Variants in ADGRL3 observed in about 807,000 individuals in gnomAD.
The protein encoded by ADGRL3 is adhesion G protein-coupled receptor L3.
Under a neutral mutation model 153.5 loss-of-function variants are expected in ADGRL3, and 62 were observed. The observed-to-expected ratio is 0.40, with a 90% CI of 0.33 to 0.50. The LOEUF is 0.50. Ranked by LOEUF, ADGRL3 falls within the 20% of genes least tolerant of loss-of-function variation. The pLI is 0.47. For synonymous variants in ADGRL3, 710 were observed against 672.5 expected (o/e 1.06, Z -0.86); for missense variants, 1,641 against 1,859.4 (o/e 0.88, Z 2.16).
intron 5 of ADGRL3, among the ~76,000 whole-genome samples, chr4:61,662,468 C>T (rs2094629201): frequency 6.6e-6 from 1 of 152,248 alleles, no homozygotes; most frequent in Admixed American, 6.5e-5. Context: ...CAGGGCAGCA[C>T]TGACATACCA....
chr4:61,346,389 CG>C (rs1454438890), intron 1 of ADGRL3, among the ~76,000 whole-genome samples: 1 of 151,032 alleles, frequency 6.6e-6, no homozygotes, highest in Non-Finnish European at 1.5e-5. Flanking sequence ...AAATTAAAGT[CG>C]TTTTAACATT....
chr4:61,973,623 C>T (rs1254643266), intron 17 of ADGRL3, among the ~76,000 whole-genome samples: 1 of 152,042 alleles, frequency 6.6e-6, no homozygotes, highest in Non-Finnish European at 1.5e-5. Context: ...TCATTCTCCT[C>T]TGATTTTTCT....
At chr4:61,858,499 C>A (rs1199177525) in intron 9 of ADGRL3, among the ~76,000 whole-genome samples, 3 of 152,014 alleles carry the variant, frequency 2.0e-5, no homozygotes, top group Non-Finnish European at 4.4e-5. Flanking sequence ...CGCGTGCATG[C>A]AATCCCAGCT....
intron 2 of ADGRL3, 21 bp from the exon 3 acceptor site, chr4:61,497,099 CT>C (rs1469082339): frequency 2.9e-3 from 1,453 of 495,142 alleles, no homozygotes; most frequent in East Asian, 3.5e-3. Flanking sequence ...TACAATAACC[CT>C]TTTTTTTTTC....
At chr4:62,035,907 T>G (rs537279210) in intron 23 of ADGRL3, among the ~76,000 whole-genome samples, 122 of 152,244 alleles carry the variant, frequency 8.0e-4, no homozygotes, top group Non-Finnish European at 1.5e-3. Context: ...TTCAGAGTCA[T>G]TTTGAGGGAC....
At chr4:61,318,775 T>C (rs2095291582) in intron 1 of ADGRL3, among the ~76,000 whole-genome samples, 1 of 152,200 alleles carries the variant, frequency 6.6e-6, no homozygotes, top group African/African-American at 2.4e-5. Context: ...ATAAACTATA[T>C]GATTGCAAAA....
At chr4:61,455,428 G>A (rs2097723207) in intron 2 of ADGRL3, among the ~76,000 whole-genome samples, 1 of 152,160 alleles carries the variant, frequency 6.6e-6, no homozygotes. Flanking sequence ...TCTGAGACTG[G>A]ATGCTGAGAC....
chr4:61,511,452 A>G (rs1420245113), intron 3 of ADGRL3, among the ~76,000 whole-genome samples: 6 of 152,202 alleles, frequency 3.9e-5, no homozygotes. Context: ...TATCATGTCT[A>G]GGAACTTTCT....
At chr4:61,978,464 T>G (rs1024936596) in intron 17 of ADGRL3, among the ~76,000 whole-genome samples, 1 of 152,198 alleles carries the variant, frequency 6.6e-6, no homozygotes, top group Admixed American at 6.5e-5. Flanking sequence ...ATTTATCTAT[T>G]CTGCTACTGA....
At chr4:61,374,543 G>A (rs73216345) in intron 1 of ADGRL3, among the ~76,000 whole-genome samples, 1 of 151,976 alleles carries the variant, frequency 6.6e-6, no homozygotes, top group Non-Finnish European at 1.5e-5. Context: ...TAAGACCTCA[G>A]TACTGAAGAT....
chr4:61,557,131 TA>T (rs2098770931), intron 4 of ADGRL3, among the ~76,000 whole-genome samples: 1 of 152,276 alleles, frequency 6.6e-6, no homozygotes, highest in African/African-American at 2.4e-5. Flanking sequence ...GTCTCTAAAT[TA>T]TTTTTTTTCA....
intron 18 of ADGRL3, among the ~76,000 whole-genome samples, chr4:61,981,715 T>G (rs374011800): frequency 6.6e-6 from 1 of 152,176 alleles, no homozygotes. Context: ...ATGAGTAAAA[T>G]TGCAAAATAG....
chr4:61,887,530 A>C (rs1469414094), intron 9 of ADGRL3, among the ~76,000 whole-genome samples: 2 of 152,118 alleles, frequency 1.3e-5, no homozygotes, highest in African/African-American at 2.4e-5. Flanking sequence ...TCTGAATTAA[A>C]TGAGATGATA....
intron 6 of ADGRL3, among the ~76,000 whole-genome samples, chr4:61,677,908 GAGA>G (rs1183584319): frequency 6.6e-6 from 1 of 151,938 alleles, no homozygotes; most frequent in Admixed American, 6.6e-5. Context: ...TGGCCAATAA[GAGA>G]AGAATTGAAA....
At chr4:61,787,489 T>G (rs2097291292) in intron 8 of ADGRL3, among the ~76,000 whole-genome samples, 1 of 152,068 alleles carries the variant, frequency 6.6e-6, no homozygotes, top group Admixed American at 6.6e-5. Context: ...TTTTATAAAG[T>G]AACAACATAA....
At chr4:61,596,268 C>A (rs1025563112) in intron 5 of ADGRL3, among the ~76,000 whole-genome samples, 1 of 152,144 alleles carries the variant, frequency 6.6e-6, no homozygotes, top group African/African-American at 2.4e-5. Flanking sequence ...CTTTTTAATA[C>A]TTATAAATGA....
intron 1 of ADGRL3, among the ~76,000 whole-genome samples, chr4:61,361,177 C>T (rs574559979): frequency 1.3e-5 from 2 of 152,150 alleles, no homozygotes; most frequent in Admixed American, 1.3e-4. Flanking sequence ...CCTTTGATTT[C>T]CTGTGACTTT....
chr4:61,856,137 G>A (rs1438899747), intron 9 of ADGRL3, among the ~76,000 whole-genome samples: 2 of 152,106 alleles, frequency 1.3e-5, no homozygotes, highest in African/African-American at 4.8e-5. Context: ...GGAGGTTGAG[G>A]TGGGAGGATC....
At chr4:61,374,127 G>T (rs928383340) in intron 1 of ADGRL3, among the ~76,000 whole-genome samples, 3 of 152,068 alleles carry the variant, frequency 2.0e-5, no homozygotes, top group Admixed American at 2.0e-4. Context: ...GTTTGGGTGG[G>T]TGTGGGGTGA....
Sources: gnomAD v4.1 joint callset for allele counts (sites outside exome capture counted in the v4.1 genomes callset) on GRCh38, gnomAD v4.1.1 for gene constraint, MANE v1.5 for transcripts, NCBI Gene and HGNC (gene_info 2026-07-23, HGNC 2026-07-21) for gene names.